Variants in CENPW observed in about 807,000 individuals in gnomAD.
CENPW encodes the protein centromere protein W.
Under a neutral mutation model 11.1 loss-of-function variants are expected in CENPW, and 3 were observed. The observed-to-expected ratio is 0.27, with a 90% CI of 0.12 to 0.70. The LOEUF is 0.70. Ranked by LOEUF, CENPW falls within the 30% of genes least tolerant of loss-of-function variation. CENPW has a pLI of 0.77. For synonymous variants in CENPW, 38 were observed against 42.0 expected (o/e 0.91, Z 0.37); for missense variants, 100 against 105.6 (o/e 0.95, Z 0.23).
At chr6:126,462,854 A>G in the CENPW span, among the ~76,000 whole-genome samples, 1 of 152,052 alleles carries the variant, frequency 6.6e-6, no homozygotes, top group Non-Finnish European at 1.5e-5. Context: ...TAACTGGCTG[A>G]TGTGTATTTA....
At chr6:126,416,553 G>A in the CENPW span, among the ~76,000 whole-genome samples, 1 of 152,184 alleles carries the variant, frequency 6.6e-6, no homozygotes, top group Non-Finnish European at 1.5e-5. Context: ...GGAGGAAAAA[G>A]TAGTTTTGTG....
chr6:126,460,288 C>T, the CENPW span, among the ~76,000 whole-genome samples: 65,125 of 151,328 alleles, frequency 0.43, 16,356 homozygotes, highest in East Asian at 0.97. Flanking sequence ...TATTTCCTGT[C>T]GTGTACTAAT....
intron 1 of CENPW, among the ~76,000 whole-genome samples, chr6:126,343,924 C>T (rs1780360214): frequency 6.6e-6 from 1 of 152,148 alleles, no homozygotes; most frequent in African/African-American, 2.4e-5. Flanking sequence ...TCAGTACTAA[C>T]CATCACAGTA....
chr6:126,364,758 TCTTAC>T, the CENPW span, among the ~76,000 whole-genome samples: 1 of 152,224 alleles, frequency 6.6e-6, no homozygotes, highest in Non-Finnish European at 1.5e-5. Context: ...TTAGTTTGTC[TCTTAC>T]CTTGTCACCC....
At chr6:126,411,434 T>G in the CENPW span, among the ~76,000 whole-genome samples, 5 of 152,186 alleles carry the variant, frequency 3.3e-5, no homozygotes, top group Non-Finnish European at 7.3e-5. Context: ...TATAAACAGC[T>G]GCAGTGCTGC....
chr6:126,474,098 G>T, the CENPW span, among the ~76,000 whole-genome samples: 16 of 150,206 alleles, frequency 1.1e-4, no homozygotes, highest in Admixed American at 1.0e-3. Context: ...TATAGAGAGA[G>T]ATACACATAT....
the CENPW span, among the ~76,000 whole-genome samples, chr6:126,479,772 G>T: frequency 1.3e-5 from 2 of 151,060 alleles, no homozygotes; most frequent in East Asian, 1.9e-4. Flanking sequence ...ATTTTAAGAG[G>T]TATCTTGCAG....
the CENPW span, among the ~76,000 whole-genome samples, chr6:126,451,021 ATTATAC>A: frequency 1.3e-5 from 2 of 151,044 alleles, no homozygotes; most frequent in East Asian, 3.9e-4. Context: ...TATGGAAGCA[ATTATAC>A]TTATGAGTAT....
intron 1 of CENPW, among the ~76,000 whole-genome samples, chr6:126,343,014 T>G (rs1042277855): frequency 6.6e-6 from 1 of 152,240 alleles, no homozygotes; most frequent in Non-Finnish European, 1.5e-5. Context: ...TGTAAAGGAA[T>G]GCTGTGCAAA....
the CENPW span, among the ~76,000 whole-genome samples, chr6:126,379,859 G>A: frequency 1.3e-5 from 2 of 152,040 alleles, no homozygotes; most frequent in African/African-American, 4.8e-5. Flanking sequence ...TATAAAAGTA[G>A]GCATTTTCCA....
At chr6:126,456,676 T>C in the CENPW span, among the ~76,000 whole-genome samples, 1 of 151,516 alleles carries the variant, frequency 6.6e-6, no homozygotes, top group Admixed American at 6.6e-5. Flanking sequence ...CCAAAAGCAA[T>C]TGCACCCAAA....
At chr6:126,359,806 T>A in the CENPW span, among the ~76,000 whole-genome samples, 1 of 152,092 alleles carries the variant, frequency 6.6e-6, no homozygotes, top group Non-Finnish European at 1.5e-5. Context: ...TATCCCTTTA[T>A]TTTGAGCCTG....
chr6:126,373,094 T>C, the CENPW span, among the ~76,000 whole-genome samples: 114 of 152,336 alleles, frequency 7.5e-4, 1 homozygote, highest in South Asian at 0.022. Context: ...ATGTACAAGA[T>C]ATAAATGGTA....
chr6:126,407,733 T>C, the CENPW span, among the ~76,000 whole-genome samples: 1 of 152,210 alleles, frequency 6.6e-6, no homozygotes, highest in Admixed American at 6.5e-5. Flanking sequence ...TGTCTTCTTT[T>C]GAGAAGTGTC....
chr6:126,340,438 G>A (rs756014160), intron 1 of CENPW, 39 bp downstream of exon 1: 3 of 1,613,888 alleles, frequency 1.9e-6, no homozygotes, highest in African/African-American at 1.3e-5. Context: ...AATGGGGCAC[G>A]GGAGAGGTAA....
chr6:126,442,946 A>C, the CENPW span, among the ~76,000 whole-genome samples: 1 of 151,142 alleles, frequency 6.6e-6, no homozygotes, highest in African/African-American at 2.4e-5. Flanking sequence ...AGAATTTCTA[A>C]ATTTCTATTT....
chr6:126,401,978 C>T, the CENPW span, among the ~76,000 whole-genome samples: 1 of 152,044 alleles, frequency 6.6e-6, no homozygotes, highest in Non-Finnish European at 1.5e-5. Context: ...CCTCAGTAAG[C>T]AAGTGCTCTC....
the CENPW span, among the ~76,000 whole-genome samples, chr6:126,461,741 T>C: frequency 6.6e-6 from 1 of 151,990 alleles, no homozygotes; most frequent in African/African-American, 2.4e-5. Context: ...AGAATGATGA[T>C]ACAGCTTTGA....
At chr6:126,347,891 C>G (rs1240467285) in intron 2 of CENPW, among the ~76,000 whole-genome samples, 8 of 151,492 alleles carry the variant, frequency 5.3e-5, no homozygotes, top group Admixed American at 2.0e-4. Context: ...TTTATTTGTG[C>G]CACAGACTAT....
Sources: gnomAD v4.1 joint callset for allele counts (sites outside exome capture counted in the v4.1 genomes callset) on GRCh38, gnomAD v4.1.1 for gene constraint, MANE v1.5 for transcripts, NCBI Gene and HGNC (gene_info 2026-07-23, HGNC 2026-07-21) for gene names.